THOC7: variants seen among roughly 807,000 people sequenced by gnomAD.
THOC7 encodes THO complex subunit 7, also known as NIF3L1-binding protein 1.
A neutral mutation model predicts 33.1 loss-of-function variants in THOC7; 22 were observed. The ratio of observed to expected loss-of-function variants is 0.66; its 90% confidence interval spans 0.47 to 0.95. The LOEUF is 0.95. Ranked by LOEUF, THOC7 falls within the 40% of genes least tolerant of loss-of-function variation. The probability of loss-of-function intolerance (pLI) is 0.00; values close to 1 mark genes in which losing one functional copy is unlikely to be tolerated. For missense variants in THOC7, 184 were observed against 245.3 expected (o/e 0.75, Z 1.67); for synonymous variants, 77 against 76.8 (o/e 1.00, Z -0.01).
At position 63,835,091 on chromosome 3, in the gene THOC7, G is replaced by T. The variant is rs1701602052; in HGVS notation, c.547+63C>A. The T allele has an allele frequency of 2.0e-6, 3 of 1,498,932 alleles. No homozygotes were observed. In the South Asian group the frequency reaches 3.5e-5, roughly 18 times the overall value. 92.9% of individuals were successfully genotyped at this position (1,498,932 alleles called of 1,614,324 possible). A position where few individuals can be genotyped will look rare whatever the true frequency, so the allele number is the denominator to read the frequency against. On this transcript the variant is annotated intron_variant, in intron 7 of 7. Coordinates refer to ENST00000295899, the MANE Select transcript of THOC7 (RefSeq NM_025075.4). The stretch of plus-strand genomic sequence containing the variant: ...CTCTCCAAGATGTATATTTCAAAAG[G>T]TACATCCCTGGGTCATTTAAAAAAT...
At chr3:63,863,748 G>A in intron 1 of THOC7, 24 bp downstream of exon 1, 2 of 1,250,490 alleles carry the variant, frequency 1.6e-6, no homozygotes. Flanking sequence ...CAGCGGGCGC[G>A]TGTGGCGGCG....
chr3:63,837,613 C>T (rs1163348189), intron 4 of THOC7, among the ~76,000 whole-genome samples: 1 of 151,714 alleles, frequency 6.6e-6, no homozygotes, highest in Non-Finnish European at 1.5e-5. Flanking sequence ...AAACAAAAAA[C>T]CCAAACCATA....
chr3:63,856,962 C>T lies in THOC7; in HGVS notation c.19+6810G>A, dbSNP rs1702127069. Among the ~76,000 whole-genome samples, 3 of 152,302 alleles carry T rather than the reference C, an allele frequency of 2.0e-5. No homozygotes were observed. In the South Asian group the frequency reaches 6.2e-4, roughly 32 times the overall value. ...CTTGAACGCCTGACCTCGTGACCTA[C>T]CCGCCTCGGCCTCCCCAAGTGCTGG... On this transcript the variant is annotated intron_variant, in intron 1 of 7. Transcript: ENST00000295899.
chr3:63,846,142 T>C, intron 1 of THOC7: 1 of 422,860 alleles, frequency 2.4e-6, no homozygotes, highest in Non-Finnish European at 4.7e-6. Context: ...ACTGCCTCTC[T>C]CTCTCTTTCT....
intron 1 of THOC7, among the ~76,000 whole-genome samples, chr3:63,848,872 G>T (rs1461149835): frequency 1.3e-5 from 2 of 152,062 alleles, no homozygotes; most frequent in Admixed American, 6.5e-5. Flanking sequence ...ATTTGGTAAA[G>T]CATACTTTTA....
Position 63,834,087 on chromosome 3 carries a change from T to A in THOC7, c.*45A>T, listed in dbSNP as rs780863343. On this transcript the variant is annotated 3_prime_UTR_variant, in exon 8 of 8. Coordinates refer to ENST00000295899, the MANE Select transcript of THOC7 (RefSeq NM_025075.4). ...CCACATTTTAAACACATTATGGTCA[T>A]GTAGCTATTTCAATATTCCTGGGAG... The A allele has an allele frequency of 2.5e-6, 4 of 1,591,520 alleles. No homozygotes were observed. In the East Asian group the frequency reaches 8.9e-5, roughly 36 times the overall value.
At chr3:63,841,953 G>T (rs1338441798) in intron 1 of THOC7, among the ~76,000 whole-genome samples, 1 of 152,048 alleles carries the variant, frequency 6.6e-6, no homozygotes, top group African/African-American at 2.4e-5. Flanking sequence ...TACATGCCTG[G>T]ATCTCCAACT....
At chr3:63,839,911 T>C in intron 1 of THOC7, 138 bp from the exon 2 acceptor site, 1 of 640,900 alleles carries the variant, frequency 1.6e-6, no homozygotes, top group South Asian at 2.1e-5. Context: ...AACTGTACAC[T>C]TAAAAATGGC....
intron 1 of THOC7, chr3:63,863,064 C>G (rs1020164572): frequency 6.6e-6 from 1 of 152,560 alleles, no homozygotes; most frequent in Admixed American, 6.5e-5. Context: ...GTAAATCTCC[C>G]AGGTACACTT....
rs1405962230 is a variant in THOC7 at position 63,834,102 on chromosome 3, A to T, written c.*30T>A. On this transcript the variant is annotated 3_prime_UTR_variant, in exon 8 of 8. Coordinates refer to ENST00000295899, the MANE Select transcript of THOC7 (RefSeq NM_025075.4). ...ATTATGGTCATGTAGCTATTTCAATATTCCTGGGAGTGGTGGGCAATTAGC... is the reference window on the plus strand; with the variant it reads ...ATTATGGTCATGTAGCTATTTCAATTTTCCTGGGAGTGGTGGGCAATTAGC... 1.2e-6 allele frequency: 2 copies of T among 1,611,176 alleles called. No homozygotes were observed. The highest frequency in any genetic ancestry group is 1.7e-6 in the Non-Finnish European group (2 of 1,178,046).
intron 1 of THOC7, among the ~76,000 whole-genome samples, chr3:63,850,707 C>G (rs533997346): frequency 1.3e-5 from 2 of 151,536 alleles, no homozygotes; most frequent in Non-Finnish European, 2.9e-5. Flanking sequence ...CTGCCTCAGC[C>G]TCTCTAGTAG....
chr3:63,838,105 A>C, intron 3 of THOC7, 43 bp from the exon 4 acceptor site: 1 of 1,501,770 alleles, frequency 6.7e-7, no homozygotes, highest in Non-Finnish European at 9.0e-7. Context: ...AACAAAATCA[A>C]TAATCCATTT....
At chr3:63,850,284 T>C (rs1701993039) in intron 1 of THOC7, among the ~76,000 whole-genome samples, 1 of 151,846 alleles carries the variant, frequency 6.6e-6, no homozygotes, top group South Asian at 2.1e-4. Flanking sequence ...CACTGCAACC[T>C]CTGCCTCCCG....
chr3:63,838,141 T>A, intron 3 of THOC7, 79 bp from the exon 4 acceptor site: 1 of 1,326,356 alleles, frequency 7.5e-7, no homozygotes, highest in Non-Finnish European at 1.0e-6. Flanking sequence ...ATTTATAAAT[T>A]AACCTCTATT....
Position 63,838,444 on chromosome 3 carries a change from C to G in THOC7, c.193G>C (p.Gly65Arg). Residue 65 changes from glycine (G) to arginine (R), a missense_variant, in exon 3 of 8, where the codon GGC becomes CGC. Coordinates refer to ENST00000295899, the MANE Select transcript of THOC7 (RefSeq NM_025075.4). ...ATATCATATACTAGTAAAGTTTTGC[C>G]CATTGAAAATTCACATTGAGACAGC... ...STLSQCEFSM[G>R]KTLLVYDMNL... 1 of 1,609,756 alleles carries G rather than the reference C, an allele frequency of 6.2e-7. No homozygotes were observed. Among genetic ancestry groups the G allele is most frequent in the East Asian group, 2.2e-5 (1 of 44,644 alleles).
chr3:63,835,056 G>A (rs1405875525), intron 7 of THOC7, 98 bp downstream of exon 7: 5 of 1,181,240 alleles, frequency 4.2e-6, no homozygotes, highest in Non-Finnish European at 6.0e-6. Context: ...AGAAATTGAA[G>A]GTATACTGTC....
chr3:63,836,683 C>A (rs558797491), intron 4 of THOC7, among the ~76,000 whole-genome samples: 11 of 152,044 alleles, frequency 7.2e-5, no homozygotes, highest in African/African-American at 2.6e-4. Flanking sequence ...AAGGATCTTA[C>A]TCACTAGTTG....
At chr3:63,854,992 A>G (rs1361854718) in intron 1 of THOC7, among the ~76,000 whole-genome samples, 3 of 151,094 alleles carry the variant, frequency 2.0e-5, no homozygotes, top group Admixed American at 1.3e-4. Context: ...TGGGCGACAG[A>G]GCGAGACTCC....
At chr3:63,846,782 G>A (rs1701906419) in intron 1 of THOC7, among the ~76,000 whole-genome samples, 1 of 152,090 alleles carries the variant, frequency 6.6e-6, no homozygotes, top group African/African-American at 2.4e-5. Flanking sequence ...ACTCTAGGGA[G>A]CCCCACATGG....
Sources: gnomAD v4.1 joint callset for allele counts (sites outside exome capture counted in the v4.1 genomes callset) on GRCh38, gnomAD v4.1.1 for gene constraint, MANE v1.5 for transcripts, NCBI Gene and HGNC (gene_info 2026-07-23, HGNC 2026-07-21) for gene names.